The following NPHP4 variants were observed in gnomAD, a reference collection of about 807,000 sequenced individuals.
NPHP4 encodes nephrocystin-4.
Under a neutral mutation model 155.8 loss-of-function variants are expected in NPHP4, and 151 were observed. The observed-to-expected ratio is 0.97, with a 90% confidence interval of 0.85 to 1.11. The LOEUF (loss-of-function observed/expected upper bound fraction) is 1.11, where lower values mean the gene tolerates loss of function less well. Among genes scored for constraint, NPHP4 ranks in the 50% least tolerant of loss-of-function variants. The probability of loss-of-function intolerance (pLI) is 0.00; values close to 1 mark genes in which losing one functional copy is unlikely to be tolerated. For synonymous variants in NPHP4, 845 were observed against 816.8 expected (o/e 1.03, Z -0.59); for missense variants, 1,956 against 1,925.7 (o/e 1.02, Z -0.29).
At chr1:5,876,047 C>T (rs1642566389) in intron 20 of NPHP4, 1 of 152,350 alleles carries the variant, frequency 6.6e-6, no homozygotes, top group Admixed American at 6.5e-5. Flanking sequence ...ATCCTCAGAG[C>T]TTTTCAGGAG....
intron 11 of NPHP4, 67 bp from the exon 12 acceptor site, chr1:5,909,280 G>A: frequency 2.4e-6 from 3 of 1,255,920 alleles, no homozygotes; most frequent in Non-Finnish European, 3.4e-6. Flanking sequence ...GTGGGCCCCT[G>A]AACCCCCACG....
At chr1:5,957,665 T>C (rs10779679) in intron 6 of NPHP4, among the ~76,000 whole-genome samples, 1,431 of 10,054 alleles carry the variant, frequency 0.14, 236 homozygotes, top group African/African-American at 0.35. Context: ...AAAACAAGAC[T>C]GCTGCAACAG....
chr1:5,952,855 G>A lies in NPHP4; in HGVS notation c.674-19C>T, dbSNP rs770512264. 14 of 1,588,160 alleles carry A rather than the reference G, an allele frequency of 8.8e-6. No homozygotes were observed. Among genetic ancestry groups the A allele is most frequent in the African/African-American group, 2.7e-5 (2 of 74,118 alleles). ...GCGTCGCCTGAAACAGTGAGGGTGCGAAAAGGGTCATCCTTGGGAATAAAA... is the reference window on the plus strand; with the variant it reads ...GCGTCGCCTGAAACAGTGAGGGTGCAAAAAGGGTCATCCTTGGGAATAAAA... On this transcript the variant is annotated intron_variant, in intron 6 of 29. Transcript: ENST00000378156.
At chr1:5,885,498 C>T (rs1452516351) in intron 18 of NPHP4, among the ~76,000 whole-genome samples, 1 of 152,276 alleles carries the variant, frequency 6.6e-6, no homozygotes, top group Admixed American at 6.5e-5. Context: ...GCAAAAGAGG[C>T]TGCCAAGGAA....
At chr1:5,927,885 GTCTAC>G in intron 10 of NPHP4, 98 bp from the exon 11 acceptor site, 1 of 1,306,758 alleles carries the variant, frequency 7.7e-7, no homozygotes, top group Non-Finnish European at 1.0e-6. Flanking sequence ...CTAAAACAAA[GTCTAC>G]GTGAAATCAG....
chr1:5,986,362 G>C lies in NPHP4; in HGVS notation c.-38-35C>G. On this transcript the variant is annotated intron_variant, in intron 1 of 29. Coordinates refer to ENST00000378156, the MANE Select transcript of NPHP4 (RefSeq NM_015102.5). ...TCGTATTCAAATAAAGAGAAGAGCT[G>C]TGAGGGCTACAGTGGTCACAGCAAT... The C allele has an allele frequency of 1.9e-6, 3 of 1,552,566 alleles. No homozygotes were observed. The South Asian group carries it at 3.5e-5, about 18-fold the overall frequency.
intron 11 of NPHP4, among the ~76,000 whole-genome samples, chr1:5,922,988 A>G (rs1207785417): frequency 6.6e-6 from 1 of 152,228 alleles, no homozygotes; most frequent in Admixed American, 6.5e-5. Flanking sequence ...CGAAGTGAGA[A>G]TTTATCTCTA....
Position 5,962,091 on chromosome 1 carries a change from C to T in NPHP4, c.518-142G>A, listed in dbSNP as rs1650440105. On this transcript the variant is annotated intron_variant, in intron 5 of 29. Coordinates refer to ENST00000378156, the MANE Select transcript of NPHP4 (RefSeq NM_015102.5). ...AGGGAGAGTGAAGTGGTGCTCTGTT[C>T]CGCCTCAAGTGAAAGGCATTGATCT... The T allele has an allele frequency of 5.4e-6, 3 of 555,212 alleles. No homozygotes were observed. The East Asian group carries it at 8.4e-5, about 16-fold the overall frequency. The allele number at this position is 555,212 out of a possible 1,614,324, so 34.4% of individuals were successfully genotyped here.
At chr1:5,887,678 C>A (rs754743412) in intron 17 of NPHP4, among the ~76,000 whole-genome samples, 2 of 152,202 alleles carry the variant, frequency 1.3e-5, no homozygotes, top group Non-Finnish European at 2.9e-5. Context: ...TTACTGGGGT[C>A]TTTTTCACAA....
In NPHP4 at chr1:5,863,889, C is replaced by A; in HGVS notation, c.4140+1G>T. The A allele has an allele frequency of 6.2e-7, 1 of 1,613,862 alleles. No homozygotes were observed. Among genetic ancestry groups the A allele is most frequent in the Non-Finnish European group, 8.5e-7 (1 of 1,179,880 alleles). ...GAGTCCCAGGCACAGCCCCACCACA[C>A]CTGGAAGGAGTCCTCTCTGAACCGC... On this transcript the variant is annotated splice_donor_variant, in intron 29 of 29. Coordinates refer to ENST00000378156, the MANE Select transcript of NPHP4 (RefSeq NM_015102.5). LOFTEE classifies it high-confidence loss of function.
At chr1:5,875,997 G>A (rs1171186565) in intron 20 of NPHP4, 1 of 152,290 alleles carries the variant, frequency 6.6e-6, no homozygotes, top group Admixed American at 6.5e-5. Context: ...CAGGGGGATT[G>A]GAGCTGGCCT....
intron 23 of NPHP4, among the ~76,000 whole-genome samples, chr1:5,871,652 T>C (rs1440726502): frequency 6.6e-6 from 1 of 152,174 alleles, no homozygotes; most frequent in Non-Finnish European, 1.5e-5. Context: ...ACACGGGTGA[T>C]GGCATCAGGC....
rs1468175648 is a variant in NPHP4 at position 5,961,897 on chromosome 1, C to A, written c.570G>T (p.Lys190Asn). The change falls in exon 6 of 30, where the codon AAG becomes AAT. Residue 190 changes from lysine (K) to asparagine (N), a missense_variant. By Grantham distance (94) the Lys-to-Asn change is moderately conservative. Transcript: ENST00000378156. ...IENCSLQYTL[K>N]PHPALEPAFH... ...ACGCAGGCTCCAGGGCCGGGTGTGG[C>A]TTCAGCGTGTACTGCAGGCTGCAGT... 1 of 1,613,844 alleles carries A rather than the reference C, an allele frequency of 6.2e-7. No individual in the cohort carries two copies. The highest frequency in any genetic ancestry group is 8.5e-7 in the Non-Finnish European group (1 of 1,179,740).
intron 3 of NPHP4, among the ~76,000 whole-genome samples, chr1:5,971,772 C>T (rs1300030521): frequency 4.6e-5 from 7 of 150,934 alleles, no homozygotes; most frequent in Non-Finnish European, 8.8e-5. Context: ...GGAACATTCT[C>T]TACATCAACT....
chr1:5,918,608 C>T (rs1645585653), intron 11 of NPHP4, among the ~76,000 whole-genome samples: 1 of 152,080 alleles, frequency 6.6e-6, no homozygotes, highest in Non-Finnish European at 1.5e-5. Context: ...ATGAAATATA[C>T]AAACCTCTCA....
intron 26 of NPHP4, 159 bp downstream of exon 26, chr1:5,866,214 C>T (rs2100430600): frequency 1.5e-6 from 1 of 688,166 alleles, no homozygotes; most frequent in Non-Finnish European, 2.7e-6. Context: ...CCTGCGGGCC[C>T]TGAACTCGCA....
rs556582881 is a variant in NPHP4 at position 5,909,689 on chromosome 1, G to A, written c.1442-476C>T. ...AACACCCACTAAGCACAAGCTGTCC[G>A]CCAGGTCCTGCTGAGGATTCTCCAT... On this transcript the variant is annotated intron_variant, in intron 11 of 29. Coordinates refer to ENST00000378156, the MANE Select transcript of NPHP4 (RefSeq NM_015102.5). Among the ~76,000 whole-genome samples, 6 of 152,140 alleles carry A rather than the reference G, an allele frequency of 3.9e-5. No homozygotes were observed. The South Asian group carries it at 1.0e-3, about 26-fold the overall frequency.
intron 16 of NPHP4, among the ~76,000 whole-genome samples, chr1:5,899,222 C>T (rs1049064021): frequency 2.0e-5 from 3 of 152,150 alleles, no homozygotes; most frequent in Admixed American, 1.3e-4. Flanking sequence ...AAAGCACACT[C>T]GCAGCAGCAC....
intron 1 of NPHP4, among the ~76,000 whole-genome samples, chr1:5,989,617 C>T (rs1387267779): frequency 6.6e-6 from 1 of 152,252 alleles, no homozygotes; most frequent in African/African-American, 2.4e-5. Context: ...TCAAGCTTTT[C>T]TTTCCCACTG....
Sources: allele counts gnomAD v4.1 joint callset (sites outside exome capture counted in the v4.1 genomes callset), GRCh38; gene constraint gnomAD v4.1.1; transcripts MANE v1.5; gene names NCBI Gene and HGNC (gene_info 2026-07-23, HGNC 2026-07-21).